The following CTNND2 variants were observed in gnomAD, a reference collection of about 807,000 sequenced individuals.
CTNND2 encodes catenin delta-2.
CTNND2 carries 22 observed loss-of-function variants against 144.4 expected under a neutral mutation model. The observed-to-expected ratio is 0.15, with a 90% CI of 0.11 to 0.22. The LOEUF (loss-of-function observed/expected upper bound fraction) is 0.22. Ranked by LOEUF, CTNND2 falls within the 10% of genes least tolerant of loss-of-function variation. The probability of loss-of-function intolerance (pLI) is 1.00; values close to 1 mark genes in which losing one functional copy is unlikely to be tolerated. For synonymous variants in CTNND2, 751 were observed against 695.6 expected, an observed-to-expected ratio of 1.08 and a Z score of -1.25; for missense variants, 1,353 against 1,618.8, an observed-to-expected ratio of 0.84 and a Z score of 2.82.
chr5:11,326,976 T>G (rs892312492), intron 9 of CTNND2, among the ~76,000 whole-genome samples: 4 of 152,202 alleles, frequency 2.6e-5, no homozygotes, highest in African/African-American at 9.7e-5. Flanking sequence ...CATCTGTCTG[T>G]GCATTGGTGA....
At chr5:10,998,503 C>T (rs1346324041) in intron 18 of CTNND2, among the ~76,000 whole-genome samples, 1 of 152,192 alleles carries the variant, frequency 6.6e-6, no homozygotes, top group Non-Finnish European at 1.5e-5. Context: ...AGGTGATCTT[C>T]TCCATCTCCC....
At chr5:11,350,159 T>C (rs1580983593) in intron 8 of CTNND2, among the ~76,000 whole-genome samples, 1 of 152,138 alleles carries the variant, frequency 6.6e-6, no homozygotes. Context: ...AAATTTACAC[T>C]GTTTCTACTA....
At chr5:11,181,669 GTC>G (rs1160677422) in intron 11 of CTNND2, among the ~76,000 whole-genome samples, 11 of 150,938 alleles carry the variant, frequency 7.3e-5, no homozygotes, top group African/African-American at 2.4e-4. Context: ...GTGTGTGTGT[GTC>G]TGTGTGTGTG....
At chr5:11,617,559 T>C (rs1780638249) in intron 2 of CTNND2, among the ~76,000 whole-genome samples, 1 of 152,244 alleles carries the variant, frequency 6.6e-6, no homozygotes, top group Non-Finnish European at 1.5e-5. Context: ...GCAGCTATTA[T>C]TCTAAGCTCA....
chr5:11,248,196 G>T (rs1418770513), intron 9 of CTNND2, among the ~76,000 whole-genome samples: 2 of 152,160 alleles, frequency 1.3e-5, no homozygotes, highest in Non-Finnish European at 2.9e-5. Context: ...AAAATACTCG[G>T]ATCAGGAGAT....
chr5:11,587,314 T>A (rs2150138346), intron 2 of CTNND2, among the ~76,000 whole-genome samples: 1 of 152,230 alleles, frequency 6.6e-6, no homozygotes, highest in East Asian at 1.9e-4. Flanking sequence ...AATAAAAAGA[T>A]TTCCTAGCTT....
intron 1 of CTNND2, among the ~76,000 whole-genome samples, chr5:11,894,980 G>C (rs1352937513): frequency 6.6e-6 from 1 of 152,260 alleles, no homozygotes; most frequent in East Asian, 1.9e-4. Flanking sequence ...GTATGGGGTG[G>C]GGCTGGGGAG....
intron 10 of CTNND2, among the ~76,000 whole-genome samples, chr5:11,202,521 T>C (rs1178172801): frequency 6.6e-6 from 1 of 152,214 alleles, no homozygotes; most frequent in Non-Finnish European, 1.5e-5. Context: ...TTTAATTTTA[T>C]CTAAGAATGT....
intron 3 of CTNND2, among the ~76,000 whole-genome samples, chr5:11,487,445 G>T (rs182684374): frequency 1.3e-5 from 2 of 151,892 alleles, no homozygotes; most frequent in Non-Finnish European, 2.9e-5. Flanking sequence ...TAGAGTTTAC[G>T]TCTTGTAGGG....
At chr5:11,780,137 G>A (rs899720067) in intron 1 of CTNND2, among the ~76,000 whole-genome samples, 4 of 152,296 alleles carry the variant, frequency 2.6e-5, no homozygotes, top group Admixed American at 2.6e-4. Context: ...GTACATTGAA[G>A]GCAGGGCCAG....
At chr5:11,185,950 G>C (rs561521729) in intron 11 of CTNND2, among the ~76,000 whole-genome samples, 1 of 152,150 alleles carries the variant, frequency 6.6e-6, no homozygotes, top group Non-Finnish European at 1.5e-5. Context: ...CTTGTAACTC[G>C]TGAGTTGCAA....
chr5:11,144,973 A>G (rs1757107724), intron 12 of CTNND2, among the ~76,000 whole-genome samples: 1 of 152,090 alleles, frequency 6.6e-6, no homozygotes, highest in East Asian at 1.9e-4. Flanking sequence ...TTGAGCCAGC[A>G]GCCATCCGTT....
chr5:11,739,430 G>A (rs1016814572), intron 1 of CTNND2, among the ~76,000 whole-genome samples: 1 of 152,182 alleles, frequency 6.6e-6, no homozygotes, highest in Admixed American at 6.5e-5. Flanking sequence ...GGCAGGGAAA[G>A]GCAACCTTGC....
intron 2 of CTNND2, among the ~76,000 whole-genome samples, chr5:11,719,837 C>T (rs1430496428): frequency 2.2e-4 from 16 of 71,822 alleles, no homozygotes; most frequent in African/African-American, 6.4e-4. Context: ...GACATATACA[C>T]ACACACACAC....
intron 1 of CTNND2, among the ~76,000 whole-genome samples, chr5:11,754,830 C>A (rs1788838600): frequency 6.6e-6 from 1 of 151,598 alleles, no homozygotes; most frequent in Non-Finnish European, 1.5e-5. Flanking sequence ...TACTGTGAGC[C>A]TGTGGGTTTC....
At chr5:10,978,643 C>T (rs572067241) in intron 21 of CTNND2, among the ~76,000 whole-genome samples, 13 of 152,254 alleles carry the variant, frequency 8.5e-5, no homozygotes, top group Non-Finnish European at 1.5e-4. Flanking sequence ...TCAGCTCTGC[C>T]GGGGGCTTGC....
rs113731834 is a variant in CTNND2, at chr5:11,873,788, G to C, written c.37+30029C>G. Among the ~76,000 whole-genome samples, 1,127 of 152,278 alleles carry C rather than the reference G, an allele frequency of 7.4e-3. 15 individuals are homozygous for C. The highest frequency in any genetic ancestry group is 0.026 in the African/African-American group (1,079 of 41,544). ...ACCCCTTTGACACCTGCCCAAGGTG[G>C]AGGCGACAAGGAGGAAATGTGCAGC... On this transcript the variant is annotated intron_variant, in intron 1 of 21. Coordinates refer to ENST00000304623, the MANE Select transcript of CTNND2 (RefSeq NM_001332.4).
At chr5:11,744,423 C>T (rs999595332) in intron 1 of CTNND2, among the ~76,000 whole-genome samples, 1 of 152,064 alleles carries the variant, frequency 6.6e-6, no homozygotes, top group Non-Finnish European at 1.5e-5. Context: ...CAATCAGGGT[C>T]CCCTCAGACC....
At chr5:11,008,198 G>A (rs1394845861) in intron 18 of CTNND2, among the ~76,000 whole-genome samples, 1 of 152,166 alleles carries the variant, frequency 6.6e-6, no homozygotes, top group Non-Finnish European at 1.5e-5. Flanking sequence ...CTCCCCCATA[G>A]AAGATGTCAC....
Sources: allele counts gnomAD v4.1 joint callset (sites outside exome capture counted in the v4.1 genomes callset), GRCh38; gene constraint gnomAD v4.1.1; transcripts MANE v1.5; gene names NCBI Gene and HGNC (gene_info 2026-07-23, HGNC 2026-07-21).